ALPK1: variants seen among roughly 807,000 people sequenced by gnomAD.
ALPK1 encodes the protein alpha-protein kinase 1.
Under a neutral mutation model 120.6 loss-of-function variants are expected in ALPK1, and 110 were observed. That is an observed-to-expected ratio of 0.91 (90% CI 0.78 to 1.07). ALPK1 has a LOEUF of 1.07. Ranked by LOEUF, ALPK1 falls within the 50% of genes least tolerant of loss-of-function variation. The probability of loss-of-function intolerance (pLI) is 0.00; values close to 1 mark genes in which losing one functional copy is unlikely to be tolerated. For synonymous variants in ALPK1, 582 were observed against 560.3 expected, an observed-to-expected ratio of 1.04 and a Z score of -0.55; for missense variants, 1,498 against 1,483.9, an observed-to-expected ratio of 1.01 and a Z score of -0.16.
intron 6 of ALPK1, chr4:112,424,918 C>A (rs1734169920): frequency 6.6e-6 from 1 of 152,142 alleles, no homozygotes; most frequent in African/African-American, 2.4e-5. Context: ...CAGGCCACAG[C>A]CTTTTTTACT....
intron 4 of ALPK1, among the ~76,000 whole-genome samples, chr4:112,389,022 G>A (rs908460489): frequency 1.3e-5 from 2 of 151,140 alleles, no homozygotes; most frequent in Non-Finnish European, 2.9e-5. Flanking sequence ...TTCCATTCAG[G>A]GGCACACAAG....
At chr4:112,307,728 G>C (rs1728166542) in intron 1 of ALPK1, among the ~76,000 whole-genome samples, 1 of 152,050 alleles carries the variant, frequency 6.6e-6, no homozygotes, top group Non-Finnish European at 1.5e-5. Context: ...CTTTTAATTA[G>C]AGCATTTAGC....
At chr4:112,399,740 C>T (rs994690884) in intron 4 of ALPK1, among the ~76,000 whole-genome samples, 7 of 152,026 alleles carry the variant, frequency 4.6e-5, no homozygotes, top group Non-Finnish European at 1.0e-4. Flanking sequence ...TATTGCTCTC[C>T]CTCCTCTTGT....
intron 2 of ALPK1, among the ~76,000 whole-genome samples, chr4:112,341,358 A>G (rs1028900231): frequency 3.9e-5 from 6 of 152,066 alleles, no homozygotes; most frequent in African/African-American, 1.4e-4. Flanking sequence ...AATTTCCCCA[A>G]TTGTCGCTTG....
intron 2 of ALPK1, among the ~76,000 whole-genome samples, chr4:112,369,818 G>A (rs1204340560): frequency 5.9e-5 from 9 of 152,194 alleles, no homozygotes; most frequent in Non-Finnish European, 1.3e-4. Context: ...AATTGAGCTT[G>A]CAGAGTACAA....
chr4:112,400,404 C>A (rs1431808698), intron 4 of ALPK1, among the ~76,000 whole-genome samples: 2 of 152,152 alleles, frequency 1.3e-5, no homozygotes, highest in Admixed American at 6.5e-5. Flanking sequence ...ACTCTCTTTT[C>A]TCAGTGAAAT....
intron 1 of ALPK1, among the ~76,000 whole-genome samples, chr4:112,305,554 C>G (rs2110523732): frequency 6.6e-6 from 1 of 152,168 alleles, no homozygotes; most frequent in South Asian, 2.1e-4. Flanking sequence ...CTCTGTTTGT[C>G]TGTTATTGGT....
At chr4:112,336,168 CAG>C (rs967999010) in intron 2 of ALPK1, among the ~76,000 whole-genome samples, 1 of 152,094 alleles carries the variant, frequency 6.6e-6, no homozygotes, top group African/African-American at 2.4e-5. Flanking sequence ...AATGAGTGAA[CAG>C]GGGAATGAAT....
chr4:112,316,306 G>A (rs1728632409), intron 2 of ALPK1: 1 of 152,138 alleles, frequency 6.6e-6, no homozygotes, highest in South Asian at 2.1e-4. Context: ...TTGTCCTTTT[G>A]TGACTGGCTT....
chr4:112,355,753 C>G (rs766076252), intron 2 of ALPK1, among the ~76,000 whole-genome samples: 25 of 152,372 alleles, frequency 1.6e-4, no homozygotes, highest in Non-Finnish European at 3.1e-4. Context: ...AGGCGGACCC[C>G]ATCCGTGGGG....
chr4:112,349,551 G>GCCCCCCCCCCCCCC (rs10625139), intron 2 of ALPK1, among the ~76,000 whole-genome samples: 7 of 103,706 alleles, frequency 6.7e-5, no homozygotes, highest in African/African-American at 1.2e-4. Context: ...CCCAACCCCT[G>GCCCCCCCCCCCCCC]CCCCCCCCCG....
At chr4:112,331,878 C>T (rs1487001496) in intron 2 of ALPK1, among the ~76,000 whole-genome samples, 1 of 152,160 alleles carries the variant, frequency 6.6e-6, no homozygotes, top group East Asian at 1.9e-4. Flanking sequence ...TCAATCAAGT[C>T]GCATCTGATT....
At chr4:112,330,011 T>G (rs1729293859) in intron 2 of ALPK1, among the ~76,000 whole-genome samples, 1 of 152,222 alleles carries the variant, frequency 6.6e-6, no homozygotes, top group Non-Finnish European at 1.5e-5. Flanking sequence ...CATGCACTAC[T>G]AAAATGTACC....
intron 2 of ALPK1, among the ~76,000 whole-genome samples, chr4:112,334,569 G>A (rs1032882168): frequency 6.6e-6 from 1 of 152,112 alleles, no homozygotes; most frequent in Non-Finnish European, 1.5e-5. Context: ...TGTATACTAT[G>A]GGGATATCAA....
At chr4:112,377,613 C>A in intron 2 of ALPK1, 65 bp from the exon 3 acceptor site, 2 of 622,008 alleles carry the variant, frequency 3.2e-6, no homozygotes, top group South Asian at 3.1e-5. Flanking sequence ...TCCCTCCCTG[C>A]TTGAGTCTCA....
intron 2 of ALPK1, among the ~76,000 whole-genome samples, chr4:112,338,991 T>A (rs1456729604): frequency 6.6e-6 from 1 of 152,192 alleles, no homozygotes; most frequent in Non-Finnish European, 1.5e-5. Flanking sequence ...TAGCATATGC[T>A]TGTGAAGAAA....
rs202143352 is a variant in ALPK1 at position 112,324,983 on chromosome 4, G to A, written c.-101+9131G>A. Among the ~76,000 whole-genome samples the A allele has an allele frequency of 4.0e-3, 547 of 137,698 alleles. 14 individuals carry two copies. Among genetic ancestry groups the A allele is most frequent in the East Asian group, 0.024 (94 of 3,956 alleles). The allele number at this position is 137,698 out of a possible 152,430, so 90.3% of individuals were successfully genotyped here. A position where few individuals can be genotyped will look rare whatever the true frequency, so the allele number is the denominator to read the frequency against. ...TGAGGAACCAAAAAAAAGGGGGGGG[G>A]GGGCAAATAGAGTGAATCCCTTGAG... On this transcript the variant is annotated intron_variant, in intron 2 of 15. Coordinates refer to ENST00000650871, the MANE Select transcript of ALPK1 (RefSeq NM_025144.4).
At position 112,382,390 on chromosome 4, in the gene ALPK1, C is replaced by G. The variant is rs771682621; in HGVS notation, c.122-8C>G. 8 of 1,605,546 alleles carry G rather than the reference C, an allele frequency of 5.0e-6. No homozygotes were observed. The African/African-American group carries it at 8.2e-5, about 16-fold the overall frequency. Reference sequence around the variant, plus strand: ...GCAATTTCCTTACCTGAACTCTGACCTTTTCAGCTTTACTCCCCAGCGAGT... The same window carrying G: ...GCAATTTCCTTACCTGAACTCTGACGTTTTCAGCTTTACTCCCCAGCGAGT... On this transcript the variant is annotated splice_polypyrimidine_tract_variant and splice_region_variant and intron_variant, in intron 3 of 15. Coordinates refer to ENST00000650871, the MANE Select transcript of ALPK1 (RefSeq NM_025144.4).
intron 12 of ALPK1, among the ~76,000 whole-genome samples, chr4:112,435,934 A>G (rs745537114): frequency 5.0e-4 from 76 of 152,238 alleles, no homozygotes; most frequent in Non-Finnish European, 8.2e-4. Flanking sequence ...AAATGCCTGG[A>G]AAGTTTTTGC....
Sources: allele counts gnomAD v4.1 joint callset (sites outside exome capture counted in the v4.1 genomes callset), GRCh38; gene constraint gnomAD v4.1.1; transcripts MANE v1.5; gene names NCBI Gene and HGNC (gene_info 2026-07-23, HGNC 2026-07-21).